TAF11: variants seen among roughly 807,000 people sequenced by gnomAD.
The protein encoded by TAF11 is transcription initiation factor TFIID subunit 11.
TAF11 carries 10 observed loss-of-function variants against 23.0 expected under a neutral mutation model. The observed-to-expected ratio is 0.43, with a 90% confidence interval of 0.27 to 0.74. The LOEUF is 0.74. Ranked by LOEUF, TAF11 falls within the 30% of genes least tolerant of loss-of-function variation. TAF11 has a pLI of 0.19. For synonymous variants in TAF11, 85 were observed against 95.8 expected (o/e 0.89, Z 0.66); for missense variants, 196 against 261.7 (o/e 0.75, Z 1.73).
In TAF11 at chr6:34,882,915, A is replaced by G. The variant is rs1385998557; in HGVS notation, c.320+17T>C. On this transcript the variant is annotated intron_variant, in intron 2 of 4. Coordinates refer to ENST00000361288, the MANE Select transcript of TAF11 (RefSeq NM_005643.4). ...AGTGAGAGCCTCGAAATGGGGAATG[A>G]TAAGAAAGTGACTTACTGCATCTTC... 1 of 1,581,972 alleles carries G rather than the reference A, an allele frequency of 6.3e-7. No homozygotes were observed. The highest frequency in any genetic ancestry group is 1.9e-5 in the Admixed American group (1 of 53,688).
chr6:34,880,919 A>G lies in TAF11; in HGVS notation c.321-543T>C, dbSNP rs1766412282. ...GGGGAAACAACCTTCATTATTAACTAAGGAAATATTATTTTCATAGATAAC... is the reference window on the plus strand; with the variant it reads ...GGGGAAACAACCTTCATTATTAACTGAGGAAATATTATTTTCATAGATAAC... On this transcript the variant is annotated intron_variant, in intron 2 of 4. Transcript: ENST00000361288. The surrounding 1 kb of genome is among the most constrained non-coding windows in gnomAD (Gnocchi z 4.8). Among the ~76,000 whole-genome samples the G allele has an allele frequency of 6.6e-6, 1 of 152,246 alleles. No homozygotes were observed. The highest frequency in any genetic ancestry group is 6.5e-5 in the Admixed American group (1 of 15,282).
chr6:34,879,871 C>G, intron 4 of TAF11, 96 bp downstream of exon 4: 24 of 1,483,244 alleles, frequency 1.6e-5, no homozygotes, highest in Non-Finnish European at 2.2e-5. Context: ...CAAATGAGAA[C>G]TCCCATAGGT....
chr6:34,884,106 C>T (rs574995385), intron 1 of TAF11, among the ~76,000 whole-genome samples: 1 of 152,318 alleles, frequency 6.6e-6, no homozygotes, highest in South Asian at 2.1e-4. Context: ...TATAAAGACA[C>T]ATCCACACTT....
intron 1 of TAF11, among the ~76,000 whole-genome samples, chr6:34,887,507 A>G (rs979851887): frequency 1.3e-5 from 2 of 152,108 alleles, no homozygotes; most frequent in African/African-American, 2.4e-5. Context: ...CAATTTCCTC[A>G]CCACCAAAGC....
intron 4 of TAF11, among the ~76,000 whole-genome samples, chr6:34,878,972 A>C (rs968113967): frequency 2.6e-5 from 4 of 152,180 alleles, no homozygotes; most frequent in African/African-American, 9.7e-5. Flanking sequence ...AGGGAGGCCA[A>C]GGTGGGAGGA....
Position 34,888,001 on chromosome 6 carries a change from A to G in TAF11, c.-44T>C. Reference sequence around the variant, plus strand: ...GGAGAGGAGATCGCGGAGATGCCTGAGGCAGAAGCTCGGAAACCCGAGCTG... The same window carrying G: ...GGAGAGGAGATCGCGGAGATGCCTGGGGCAGAAGCTCGGAAACCCGAGCTG... On this transcript the variant is annotated 5_prime_UTR_variant, in exon 1 of 5. Transcript: ENST00000361288. The G allele has an allele frequency of 6.2e-7, 1 of 1,610,296 alleles. No homozygotes were observed. The highest frequency in any genetic ancestry group is 8.5e-7 in the Non-Finnish European group (1 of 1,177,866).
chr6:34,880,076 A>G lies in TAF11; in HGVS notation c.409-13T>C. On this transcript the variant is annotated splice_polypyrimidine_tract_variant and intron_variant, in intron 3 of 4. Transcript: ENST00000361288. The surrounding 1 kb of genome is among the most constrained non-coding windows in gnomAD (Gnocchi z 4.8). ...TGGACTGGATCAGCTTGAAAGAAGC[A>G]CAAAGACTCCGTGATCACAATAGTC... 1 of 1,611,532 alleles carries G rather than the reference A, an allele frequency of 6.2e-7. No individual in the cohort carries two copies. Among genetic ancestry groups the G allele is most frequent in the East Asian group, 2.2e-5 (1 of 44,876 alleles).
At position 34,880,261 on chromosome 6, in the gene TAF11, G is replaced by A. The variant is rs1440611381; in HGVS notation, c.408+28C>T. 2 of 1,610,872 alleles carry A rather than the reference G, an allele frequency of 1.2e-6. No homozygotes were observed. The highest frequency in any genetic ancestry group is 1.1e-5 in the South Asian group (1 of 90,832). ...TTGAGTTCAGTTCTAAAACGTGATG[G>A]AGATGAAGTGTGGTGGTCCATCCTT... On this transcript the variant is annotated intron_variant, in intron 3 of 4. Transcript: ENST00000361288. This position sits in a 1 kb window ranked among gnomAD's most constrained non-coding sequence, Gnocchi z 4.8.
chr6:34,880,235 CTT>C lies in TAF11; in HGVS notation c.408+52_408+53del. 6.3e-7 allele frequency: 1 copy of C among 1,594,808 alleles called. No individual in the cohort carries two copies. The highest frequency in any genetic ancestry group is 8.6e-7 in the Non-Finnish European group (1 of 1,163,784). On this transcript the variant is annotated intron_variant, in intron 3 of 4. Coordinates refer to ENST00000361288, the MANE Select transcript of TAF11 (RefSeq NM_005643.4). The surrounding 1 kb of genome is among the most constrained non-coding windows in gnomAD (Gnocchi z 4.8). Reference sequence around the variant, plus strand: ...ACTTCAAATGCCAATGGACATGGCTCTTGAGTTCAGTTCTAAAACGTGATGGA... The same window carrying C: ...ACTTCAAATGCCAATGGACATGGCTCGAGTTCAGTTCTAAAACGTGATGGA...
intron 1 of TAF11, among the ~76,000 whole-genome samples, chr6:34,885,932 CAACTTGTGA>C (rs1345253648): frequency 6.6e-6 from 1 of 152,106 alleles, no homozygotes; most frequent in African/African-American, 2.4e-5. Context: ...CCAGGCTGGG[CAACTTGTGA>C]AACTTGTGAA....
At chr6:34,879,430 T>G in intron 4 of TAF11, 1 of 948,782 alleles carries the variant, frequency 1.1e-6, no homozygotes, top group Non-Finnish European at 1.2e-6. Context: ...ATAAAGATCA[T>G]GCCACTGCAC....
In TAF11 at chr6:34,880,193, G is replaced by A. The variant is rs1766396694; in HGVS notation, c.408+96C>T. 2.6e-6 allele frequency: 4 copies of A among 1,528,378 alleles called. No individual in the cohort carries two copies. The highest frequency in any genetic ancestry group is 3.6e-6 in the Non-Finnish European group (4 of 1,106,808). The allele number at this position is 1,528,378 out of a possible 1,614,324, so 94.7% of individuals were successfully genotyped here. A position where few individuals can be genotyped will look rare whatever the true frequency, so the allele number is the denominator to read the frequency against. The stretch of plus-strand genomic sequence containing the variant: ...TTTTTTCCCACCTAAATAATCCCCT[G>A]ACTTGTCTAACACCTCACTTCAAAT... On this transcript the variant is annotated intron_variant, in intron 3 of 4. Transcript: ENST00000361288. This position sits in a 1 kb window ranked among gnomAD's most constrained non-coding sequence, Gnocchi z 4.8.
Position 34,878,408 on chromosome 6 carries a change from A to C in TAF11, c.*182T>G, listed in dbSNP as rs1419161411. 3.5e-6 allele frequency: 2 copies of C among 575,356 alleles called. No individual in the cohort carries two copies. The highest frequency in any genetic ancestry group is 5.8e-5 in the Admixed American group (2 of 34,382). 35.6% of individuals were successfully genotyped at this position (575,356 alleles called of 1,614,324 possible). A position where few individuals can be genotyped will look rare whatever the true frequency, so the allele number is the denominator to read the frequency against. The stretch of plus-strand genomic sequence containing the variant: ...AGAGGTCCCAAAATTTAGTCAAGGC[A>C]AGTATCAATCAGGCTACATACTTTC... On this transcript the variant is annotated 3_prime_UTR_variant, in exon 5 of 5. Coordinates refer to ENST00000361288, the MANE Select transcript of TAF11 (RefSeq NM_005643.4).
intron 1 of TAF11, among the ~76,000 whole-genome samples, chr6:34,884,495 C>A (rs1265554982): frequency 6.6e-6 from 1 of 152,116 alleles, no homozygotes; most frequent in Non-Finnish European, 1.5e-5. Flanking sequence ...GGCTTAATAC[C>A]TGGGTGATGA....
Position 34,882,960 on chromosome 6 carries a change from CT to C in TAF11, c.291del (p.Val98Ter). 1 of 1,608,236 alleles carries C rather than the reference CT, an allele frequency of 6.2e-7. No homozygotes were observed. Among genetic ancestry groups the C allele is most frequent in the South Asian group, 1.1e-5 (1 of 88,902 alleles). On this transcript the variant is annotated frameshift_variant, in exon 2 of 5. Coordinates refer to ENST00000361288, the MANE Select transcript of TAF11 (RefSeq NM_005643.4). LOFTEE classifies it high-confidence loss of function. Reference protein sequence around the residue: ...DTKEKKEKKQKVDEDEIQKMQ... With the variant: ...DTKEKKEKKQXVDEDEIQKMQ... ...ATCTTCTGAATCTCATCTTCATCTA[CT>C]TTCTGCTTTTTCTCTTTCTTTTCTT...
At chr6:34,881,850 C>A (rs571699508) in intron 2 of TAF11, among the ~76,000 whole-genome samples, 2 of 151,482 alleles carry the variant, frequency 1.3e-5, no homozygotes, top group Non-Finnish European at 2.9e-5. Context: ...GCACCCACCA[C>A]GACACCTGGC....
chr6:34,879,969 T>C lies in TAF11; in HGVS notation c.503A>G (p.Glu168Gly), dbSNP rs1271699451. 16 of 1,613,708 alleles carry C rather than the reference T, an allele frequency of 9.9e-6. No homozygotes were observed. Among genetic ancestry groups the C allele is most frequent in the Admixed American group, 3.3e-5 (2 of 60,000 alleles). ...SKVFVGEVVEEALDVCEKWGE... is the reference protein window; with the variant it reads ...SKVFVGEVVEGALDVCEKWGE... ...TATTTGTAACCAACACTACTCACCT[T>C]CTTCTACCACCTCCCCGACGAAAAC... Residue 168 changes from glutamate to glycine, a missense_variant and splice_region_variant, in exon 4 of 5, where the codon GAA becomes GGA. Coordinates refer to ENST00000361288, the MANE Select transcript of TAF11 (RefSeq NM_005643.4).
Position 34,883,070 on chromosome 6 carries a change from T to G in TAF11, c.182A>C (p.Gln61Pro). Reference protein sequence around the residue: ...AAAEEGELESQDVSDLTTVER... With the variant: ...AAAEEGELESPDVSDLTTVER... ...AACTGTTGTTAAATCTGAGACATCC[T>G]GACTCTCGAGCTGGGAAGATGAAAG... Residue 61 changes from glutamine to proline, a missense_variant, in exon 2 of 5, where the codon CAG (glutamine) becomes CCG (proline). Transcript: ENST00000361288. 1 of 1,608,886 alleles carries G rather than the reference T, an allele frequency of 6.2e-7. No individual in the cohort carries two copies. The highest frequency in any genetic ancestry group is 8.5e-7 in the Non-Finnish European group (1 of 1,178,662).
rs1227843475 is a variant in TAF11, at chr6:34,880,248, C to T, written c.408+41G>A. ...ATGGACATGGCTCTTGAGTTCAGTT[C>T]TAAAACGTGATGGAGATGAAGTGTG... On this transcript the variant is annotated intron_variant, in intron 3 of 4. Transcript: ENST00000361288. The surrounding 1 kb of genome is among the most constrained non-coding windows in gnomAD (Gnocchi z 4.8). 3.1e-6 allele frequency: 5 copies of T among 1,608,220 alleles called. No homozygotes were observed. Among genetic ancestry groups the T allele is most frequent in the Non-Finnish European group, 4.3e-6 (5 of 1,175,252 alleles).
Sources: allele counts gnomAD v4.1 joint callset (sites outside exome capture counted in the v4.1 genomes callset), GRCh38; gene constraint gnomAD v4.1.1; non-coding constraint Gnocchi (gnomAD v3.1); transcripts MANE v1.5; gene names NCBI Gene and HGNC (gene_info 2026-07-23, HGNC 2026-07-21).